DOCK2: variants seen among roughly 807,000 people sequenced by gnomAD.
DOCK2 encodes the protein dedicator of cytokinesis 2, also known as dedicator of cytokinesis protein 2.
Under a neutral mutation model 248.9 loss-of-function variants are expected in DOCK2, and 87 were observed. The observed-to-expected ratio is 0.35, with a 90% CI of 0.29 to 0.42. The LOEUF (loss-of-function observed/expected upper bound fraction) is 0.42. Among genes scored for constraint, DOCK2 ranks in the 10% least tolerant of loss-of-function variants. The pLI is 1.00. For synonymous variants in DOCK2, 805 were observed against 821.6 expected (o/e 0.98, Z 0.35); for missense variants, 1,747 against 2,300.2 (o/e 0.76, Z 4.92).
intron 45 of DOCK2, among the ~76,000 whole-genome samples, chr5:170,068,253 C>T (rs1179770760): frequency 6.6e-6 from 1 of 152,184 alleles, no homozygotes; most frequent in African/African-American, 2.4e-5. Flanking sequence ...AAGGAAATAG[C>T]ATCACTTATA....
Position 170,056,780 on chromosome 5 carries a change from C to G in DOCK2, c.4380+12C>G. The G allele has an allele frequency of 6.2e-7, 1 of 1,612,126 alleles. No homozygotes were observed. Among genetic ancestry groups the G allele is most frequent in the Non-Finnish European group, 8.5e-7 (1 of 1,178,772 alleles). ...AGAATGAGTTTGCTGTGAGTATCTT[C>G]CCTACCCTTGATCATTCCCTGGAGC... On this transcript the variant is annotated intron_variant, in intron 43 of 51. Transcript: ENST00000520908.
intron 50 of DOCK2, 154 bp from the exon 51 acceptor site, chr5:170,081,688 G>A: frequency 1.2e-6 from 1 of 840,590 alleles, no homozygotes; most frequent in Non-Finnish European, 1.8e-6. Context: ...CCCTGGCACG[G>A]CAGGAAATAG....
intron 22 of DOCK2, among the ~76,000 whole-genome samples, chr5:169,727,803 A>C (rs1231290013): frequency 6.6e-6 from 1 of 152,200 alleles, no homozygotes; most frequent in African/African-American, 2.4e-5. Context: ...TTTTTTCTCC[A>C]AGGAGCAGTT....
At chr5:169,673,671 A>T (rs756438791) in intron 5 of DOCK2, among the ~76,000 whole-genome samples, 1 of 152,180 alleles carries the variant, frequency 6.6e-6, no homozygotes, top group Non-Finnish European at 1.5e-5. Flanking sequence ...TGTACCTGTC[A>T]AAAGCTCTGA....
intron 27 of DOCK2, among the ~76,000 whole-genome samples, chr5:169,935,950 C>A (rs900932734): frequency 1.3e-5 from 2 of 152,136 alleles, no homozygotes; most frequent in Admixed American, 1.3e-4. Flanking sequence ...TGTCTCTAAC[C>A]ACAACTAATA....
chr5:170,024,892 G>A (rs973796232), intron 33 of DOCK2, among the ~76,000 whole-genome samples: 3 of 152,114 alleles, frequency 2.0e-5, no homozygotes, highest in Admixed American at 2.0e-4. Flanking sequence ...CTGGAACCCT[G>A]TAATTTCCCT....
Position 170,018,940 on chromosome 5 carries a change from A to T in DOCK2, c.3233-20A>T. 6.2e-7 allele frequency: 1 copy of T among 1,613,002 alleles called. No homozygotes were observed. Among genetic ancestry groups the T allele is most frequent in the Non-Finnish European group, 8.5e-7 (1 of 1,179,272 alleles). On this transcript the variant is annotated intron_variant, in intron 32 of 51. Transcript: ENST00000520908. ...CGTCGCCGAACTGTTTTATGTGTTC[A>T]TGTTCCTCTTCTCTTTCAGGTCAGA...
At chr5:169,667,640 G>T (rs1457485636) in intron 2 of DOCK2, among the ~76,000 whole-genome samples, 2 of 152,180 alleles carry the variant, frequency 1.3e-5, no homozygotes, top group South Asian at 4.1e-4. Flanking sequence ...CACTAGCTGT[G>T]TGACCATCAG....
At chr5:169,797,055 A>T (rs1766696564) in intron 25 of DOCK2, among the ~76,000 whole-genome samples, 1 of 152,222 alleles carries the variant, frequency 6.6e-6, no homozygotes, top group African/African-American at 2.4e-5. Flanking sequence ...GACACAGAAC[A>T]TGAAGGAAGT....
At chr5:170,069,800 C>G (rs1757617834) in intron 46 of DOCK2, among the ~76,000 whole-genome samples, 1 of 152,144 alleles carries the variant, frequency 6.6e-6, no homozygotes, top group African/African-American at 2.4e-5. Flanking sequence ...GGCCACTTAC[C>G]TGCCTCTCCT....
intron 1 of DOCK2, among the ~76,000 whole-genome samples, chr5:169,640,479 A>T (rs181992730): frequency 1.3e-5 from 2 of 152,360 alleles, no homozygotes. Flanking sequence ...GAGAAAACAA[A>T]CAAGTTTATT....
At chr5:169,838,062 TATAAG>T (rs1769701549) in intron 26 of DOCK2, among the ~76,000 whole-genome samples, 1 of 151,628 alleles carries the variant, frequency 6.6e-6, no homozygotes, top group African/African-American at 2.4e-5. Context: ...ATGCAGAAAA[TATAAG>T]GGAGGGGGAA....
chr5:169,753,084 A>G (rs1763992055), intron 23 of DOCK2, among the ~76,000 whole-genome samples: 1 of 149,028 alleles, frequency 6.7e-6, no homozygotes, highest in Non-Finnish European at 1.5e-5. Flanking sequence ...AATTACTTCT[A>G]TCATTTTGTT....
chr5:169,653,641 C>A (rs1757931206), intron 1 of DOCK2, among the ~76,000 whole-genome samples: 1 of 152,202 alleles, frequency 6.6e-6, no homozygotes, highest in Admixed American at 6.5e-5. Context: ...GCTGGCCCTG[C>A]CTGCAGGAAG....
chr5:169,894,319 T>C (rs1773466539), intron 27 of DOCK2, among the ~76,000 whole-genome samples: 1 of 152,166 alleles, frequency 6.6e-6, no homozygotes, highest in Non-Finnish European at 1.5e-5. Flanking sequence ...CAGAAGAAGC[T>C]GGGTGCCTCT....
At chr5:170,046,773 C>T (rs1258714426) in intron 39 of DOCK2, among the ~76,000 whole-genome samples, 1 of 151,832 alleles carries the variant, frequency 6.6e-6, no homozygotes, top group Non-Finnish European at 1.5e-5. Context: ...CACACATACA[C>T]ACACACACAC....
intron 29 of DOCK2, among the ~76,000 whole-genome samples, chr5:169,990,720 G>A (rs898341625): frequency 2.6e-5 from 4 of 152,236 alleles, no homozygotes; most frequent in African/African-American, 9.6e-5. Context: ...GTTCTAACCA[G>A]TAGAATCAAC....
intron 27 of DOCK2, among the ~76,000 whole-genome samples, chr5:169,894,709 G>A (rs1343291085): frequency 1.3e-5 from 2 of 152,184 alleles, no homozygotes; most frequent in Non-Finnish European, 2.9e-5. Flanking sequence ...AGCAGCATGT[G>A]CAACACACAG....
intron 11 of DOCK2, among the ~76,000 whole-genome samples, chr5:169,698,762 A>G (rs1760784617): frequency 6.6e-6 from 1 of 152,256 alleles, no homozygotes; most frequent in South Asian, 2.1e-4. Context: ...CTCATAGTAT[A>G]GATGGGGAAT....
Sources: allele counts gnomAD v4.1 joint callset (sites outside exome capture counted in the v4.1 genomes callset), GRCh38; gene constraint gnomAD v4.1.1; transcripts MANE v1.5; gene names NCBI Gene and HGNC (gene_info 2026-07-23, HGNC 2026-07-21).